The following FYCO1 variants were observed in gnomAD, a reference collection of about 807,000 sequenced individuals.
FYCO1 encodes the protein FYVE and coiled-coil domain-containing protein 1.
Under a neutral mutation model 165.1 loss-of-function variants are expected in FYCO1, and 122 were observed. That is an observed-to-expected ratio of 0.74 (90% CI 0.64 to 0.86). FYCO1 has a LOEUF of 0.86. FYCO1 is among the 40% of genes least tolerant of loss of function. The pLI is 0.00. For missense variants in FYCO1, 1,702 were observed against 1,810.3 expected, an observed-to-expected ratio of 0.94 and a Z score of 1.09; for synonymous variants, 648 against 742.5, an observed-to-expected ratio of 0.87 and a Z score of 2.07.
chr3:45,991,609 G>C lies in FYCO1; in HGVS notation c.-113+4113C>G, dbSNP rs142154067. Reference sequence around the variant, plus strand: ...TCCCTACACCTTCCTTTGGCCAGCTGCTCCAGTCTCGCTGGGTTTGGTGTG... The same window carrying C: ...TCCCTACACCTTCCTTTGGCCAGCTCCTCCAGTCTCGCTGGGTTTGGTGTG... On this transcript the variant is annotated intron_variant, in intron 1 of 17. Transcript: ENST00000296137. Among the ~76,000 whole-genome samples the C allele has an allele frequency of 1.3e-3, 193 of 152,298 alleles. 1 individual carries two copies. The highest frequency in any genetic ancestry group is 0.01 in the Middle Eastern group (3 of 294).
At chr3:45,935,804 T>C (rs1467735886) in intron 15 of FYCO1, among the ~76,000 whole-genome samples, 1 of 152,222 alleles carries the variant, frequency 6.6e-6, no homozygotes. Context: ...TTTCTTGGTT[T>C]TGTTTACTGA....
At chr3:45,975,169 T>A (rs1380797833) in intron 5 of FYCO1, 70 bp downstream of exon 5, 2 of 1,008,512 alleles carry the variant, frequency 2.0e-6, no homozygotes, top group Non-Finnish European at 3.2e-6. Context: ...GCAGCTGTCA[T>A]TATTATTAAT....
intron 16 of FYCO1, among the ~76,000 whole-genome samples, chr3:45,927,904 G>C (rs1421280742): frequency 2.0e-5 from 3 of 152,246 alleles, no homozygotes; most frequent in Non-Finnish European, 4.4e-5. Flanking sequence ...CCTTAAGGCA[G>C]GTCCCCTGAA....
chr3:45,988,901 G>A lies in FYCO1; in HGVS notation c.-112-3879C>T, dbSNP rs1203345375. On this transcript the variant is annotated intron_variant, in intron 1 of 17. Coordinates refer to ENST00000296137, the MANE Select transcript of FYCO1 (RefSeq NM_024513.4). The stretch of plus-strand genomic sequence containing the variant: ...TCCAAGTTTTTTCTATACCTGCCCA[G>A]ATGCCCTAAATGCCTTAAACAATAG... Among the ~76,000 whole-genome samples the A allele has an allele frequency of 2.6e-5, 4 of 152,130 alleles. No homozygotes were observed. In the South Asian group the frequency reaches 8.3e-4, roughly 32 times the overall value.
chr3:45,924,237 A>G (rs1024951082), intron 16 of FYCO1, among the ~76,000 whole-genome samples: 1 of 152,082 alleles, frequency 6.6e-6, no homozygotes, highest in Non-Finnish European at 1.5e-5. Context: ...TCCAGGCTCG[A>G]CATCTCTGGC....
chr3:45,969,630 T>C (rs1706304680), intron 7 of FYCO1, 45 bp downstream of exon 7: 2 of 1,491,560 alleles, frequency 1.3e-6, no homozygotes, highest in South Asian at 1.1e-5. Flanking sequence ...GGACATACCC[T>C]GGTAGAAGCT....
chr3:45,926,379 T>C (rs1426059530), intron 16 of FYCO1, among the ~76,000 whole-genome samples: 1 of 152,238 alleles, frequency 6.6e-6, no homozygotes, highest in African/African-American at 2.4e-5. Context: ...TAATATTACA[T>C]AACACAGCTT....
intron 4 of FYCO1, among the ~76,000 whole-genome samples, chr3:45,977,432 TA>T (rs1310484215): frequency 8.0e-6 from 1 of 124,458 alleles, no homozygotes; most frequent in East Asian, 2.5e-4. Context: ...TTTTAAAAGG[TA>T]TTTTTAGGGG....
In FYCO1 at chr3:45,987,358, CTATAAGT is replaced by C. The variant is rs559488175; in HGVS notation, c.-112-2343_-112-2337del. Among the ~76,000 whole-genome samples the C allele has an allele frequency of 6.4e-4, 97 of 151,994 alleles. No individual in the cohort carries two copies. The East Asian group carries it at 0.016, about 26-fold the overall frequency. On this transcript the variant is annotated intron_variant, in intron 1 of 17. Transcript: ENST00000296137. ...CATACACTTGTCACAACTCATATAA[CTATAAGT>C]TATATCTCACAAAAAAGGAGCATTG...
intron 1 of FYCO1, among the ~76,000 whole-genome samples, chr3:45,985,446 CA>C (rs1449973241): frequency 6.6e-6 from 1 of 152,222 alleles, no homozygotes; most frequent in Non-Finnish European, 1.5e-5. Flanking sequence ...CACCTGGCCC[CA>C]CACCCTCTCC....
chr3:45,950,662 T>A (rs1309275685), intron 14 of FYCO1, among the ~76,000 whole-genome samples: 1 of 152,182 alleles, frequency 6.6e-6, no homozygotes, highest in African/African-American at 2.4e-5. Context: ...CCTGGCACTA[T>A]CATCCCCATT....
chr3:45,956,013 G>T lies in FYCO1; in HGVS notation c.3800-620C>A, dbSNP rs192091586. On this transcript the variant is annotated intron_variant, in intron 13 of 17. Coordinates refer to ENST00000296137, the MANE Select transcript of FYCO1 (RefSeq NM_024513.4). ...ACAAACACTCTCCAGCATATGTCAC[G>T]GAAAAATGTGAGAGCAGGTTTGAGG... 1.3e-3 allele frequency among the ~76,000 whole-genome samples: 195 copies of T among 149,758 alleles called. 1 individual carries two copies. Among genetic ancestry groups the T allele is most frequent in the Middle Eastern group, 0.011 (3 of 284 alleles).
At chr3:45,995,500 G>T (rs12493953) in intron 1 of FYCO1, among the ~76,000 whole-genome samples, 1 of 152,140 alleles carries the variant, frequency 6.6e-6, no homozygotes, top group Non-Finnish European at 1.5e-5. Context: ...CCGACCAACA[G>T]AGGCAGGCTG....
chr3:45,928,888 T>G (rs572372883), intron 16 of FYCO1, among the ~76,000 whole-genome samples: 5 of 152,312 alleles, frequency 3.3e-5, no homozygotes, highest in African/African-American at 1.2e-4. Context: ...CCCTTCATCT[T>G]TCTATCCCCC....
intron 1 of FYCO1, among the ~76,000 whole-genome samples, chr3:45,990,590 G>A (rs920168135): frequency 2.6e-5 from 4 of 152,166 alleles, no homozygotes; most frequent in African/African-American, 9.7e-5. Context: ...AAACTTCGTT[G>A]CTGTTCATGA....
chr3:45,976,410 C>G (rs544508414), intron 4 of FYCO1, among the ~76,000 whole-genome samples: 94 of 152,280 alleles, frequency 6.2e-4, no homozygotes, highest in African/African-American at 2.2e-3. Flanking sequence ...GACACTTGGG[C>G]AAGTTTGCAA....
Position 45,968,448 on chromosome 3 carries a change from C to T in FYCO1, c.886G>A (p.Ala296Thr). 3 of 1,614,032 alleles carry T rather than the reference C, an allele frequency of 1.9e-6. No homozygotes were observed. Among genetic ancestry groups the T allele is most frequent in the Non-Finnish European group, 2.5e-6 (3 of 1,180,032 alleles). ...EDNVRLTCLV[A>T]ELQKQWEVTQ... is the part of the protein sequence containing the mutation. ...ACCTCCCACTGCTTCTGGAGCTCAGCTACCAAGCAAGTGAGGCGAACGTTG... is the reference window on the plus strand; with the variant it reads ...ACCTCCCACTGCTTCTGGAGCTCAGTTACCAAGCAAGTGAGGCGAACGTTG... Residue 296 changes from alanine to threonine, a missense_variant, in exon 8 of 18, where the codon GCT becomes ACT. Physicochemically the swap from Ala to Thr is moderately conservative, Grantham distance 58. Coordinates refer to ENST00000296137, the MANE Select transcript of FYCO1 (RefSeq NM_024513.4).
At chr3:45,930,948 G>T in intron 16 of FYCO1, 123 bp downstream of exon 16, 2 of 912,604 alleles carry the variant, frequency 2.2e-6, no homozygotes, top group Non-Finnish European at 3.5e-6. Context: ...ATACTGCCCA[G>T]AACATTCCAA....
chr3:45,994,804 A>T (rs1023752399), intron 1 of FYCO1, among the ~76,000 whole-genome samples: 6 of 152,130 alleles, frequency 3.9e-5, no homozygotes, highest in African/African-American at 1.4e-4. Flanking sequence ...CCCCTGACCC[A>T]TTTCTCTGTC....
Sources: gnomAD v4.1 joint callset for allele counts (sites outside exome capture counted in the v4.1 genomes callset) on GRCh38, gnomAD v4.1.1 for gene constraint, MANE v1.5 for transcripts, NCBI Gene and HGNC (gene_info 2026-07-23, HGNC 2026-07-21) for gene names.